GLI2: variants seen among roughly 807,000 people sequenced by gnomAD.
GLI2 encodes GLI family zinc finger 2, also known as transcription activator GLI2.
GLI2 carries 22 observed loss-of-function variants against 78.9 expected under a neutral mutation model. The observed-to-expected ratio is 0.28, with a 90% CI of 0.20 to 0.40. GLI2 has a LOEUF of 0.40. GLI2 is among the 10% of genes least tolerant of loss of function. The probability of loss-of-function intolerance (pLI) is 1.00; values close to 1 mark genes in which losing one functional copy is unlikely to be tolerated. For synonymous variants in GLI2, 974 were observed against 963.7 expected (o/e 1.01, Z -0.20); for missense variants, 2,097 against 2,213.2 (o/e 0.95, Z 1.05).
chr2:120,977,657 A>G (rs1019449275), intron 9 of GLI2, among the ~76,000 whole-genome samples: 4 of 152,196 alleles, frequency 2.6e-5, no homozygotes, highest in African/African-American at 9.7e-5. Context: ...CTGGGGAAGT[A>G]AACCCAGCCT....
At chr2:120,930,806 G>A (rs747358985) in intron 3 of GLI2, among the ~76,000 whole-genome samples, 12 of 152,358 alleles carry the variant, frequency 7.9e-5, no homozygotes, top group East Asian at 1.9e-4. Flanking sequence ...CCTCAGTGCC[G>A]TCCTTCCCTG....
chr2:120,951,330 C>T lies in GLI2; in HGVS notation c.342C>T (p.Pro114=), dbSNP rs1443099787. The T allele has an allele frequency of 3.2e-6, 5 of 1,585,860 alleles. No homozygotes were observed. The highest frequency in any genetic ancestry group is 4.3e-6 in the Non-Finnish European group (5 of 1,154,444). ...SPHPAGPGES[P]FNAPHPYVNP... is the part of the protein sequence containing the mutation. The stretch of plus-strand genomic sequence containing the variant: ...ACCCGGCTGGCCCTGGGGAGTCCCC[C>T]TTCAACGCCCCCCACCCGTACGTGA... Residue 114 remains proline (P), a synonymous_variant, in exon 4 of 14, where the codon CCC becomes CCT. Transcript: ENST00000361492.
chr2:120,916,096 A>G (rs1329379969), intron 2 of GLI2, among the ~76,000 whole-genome samples: 3 of 152,178 alleles, frequency 2.0e-5, no homozygotes, highest in Admixed American at 6.5e-5. Flanking sequence ...GAGCAGCAGC[A>G]TCTGCATCAC....
At chr2:120,780,543 A>T (rs1161183094) in intron 1 of GLI2, among the ~76,000 whole-genome samples, 3 of 152,132 alleles carry the variant, frequency 2.0e-5, no homozygotes, top group Non-Finnish European at 4.4e-5. Context: ...TCCCAGCAGG[A>T]GGAGGGAGTT....
Position 120,812,475 on chromosome 2 carries a change from C to T in GLI2, c.148+15007C>T, listed in dbSNP as rs73949912. On this transcript the variant is annotated intron_variant, in intron 2 of 13. Transcript: ENST00000361492. ...TCAGGGCTGAAGCTGAGACGCAGGCCGGATTACGATCCACAGGGTCATCCT... is the reference window on the plus strand; with the variant it reads ...TCAGGGCTGAAGCTGAGACGCAGGCTGGATTACGATCCACAGGGTCATCCT... Among the ~76,000 whole-genome samples, 1,282 of 152,270 alleles carry T rather than the reference C, an allele frequency of 8.4e-3. 17 individuals carry two copies. The highest frequency in any genetic ancestry group is 0.029 in the African/African-American group (1,206 of 41,530).
Position 120,990,435 on chromosome 2 carries a change from C to CCCCCAGAT in GLI2, c.4471_4478dup (p.Asp1494ProfsTer22), listed in dbSNP as rs1558946132. The CCCCCAGAT allele has an allele frequency of 6.2e-7, 1 of 1,614,006 alleles. No individual in the cohort carries two copies. The highest frequency in any genetic ancestry group is 8.5e-7 in the Non-Finnish European group (1 of 1,179,984). ...CTGTGGACTCCCAGCTCCTGGAGGC[C>CCCCCAGAT]CCCCAGATTGACTTCGATGCCATCA... On this transcript the variant is annotated frameshift_variant, in exon 14 of 14. Coordinates refer to ENST00000361492, the MANE Select transcript of GLI2 (RefSeq NM_001374353.1). LOFTEE classifies it high-confidence loss of function.
chr2:120,920,329 C>G (rs1028577170), intron 2 of GLI2, among the ~76,000 whole-genome samples: 2 of 152,380 alleles, frequency 1.3e-5, no homozygotes, highest in East Asian at 3.9e-4. Context: ...GAGAATTCCT[C>G]CGGCTGCTGA....
rs1305222647 is a variant in GLI2 at position 120,886,210 on chromosome 2, GCGTGTA to G, written c.149-41150_149-41145del. Among the ~76,000 whole-genome samples, 109 of 26,866 alleles carry G rather than the reference GCGTGTA, an allele frequency of 4.1e-3. 4 individuals are homozygous for G. The African/African-American group carries it at 0.061, about 15-fold the overall frequency. 17.6% of individuals were successfully genotyped at this position (26,866 alleles called of 152,430 possible). ...TGTGTGTGTGTGTGTGTGTGTGTGT[GCGTGTA>G]TATTTTGGTTTTGGGTTTTTGTTTT... On this transcript the variant is annotated intron_variant, in intron 2 of 13. Transcript: ENST00000361492.
chr2:120,841,489 A>G (rs1558827570), intron 2 of GLI2, among the ~76,000 whole-genome samples: 2 of 152,188 alleles, frequency 1.3e-5, no homozygotes, highest in African/African-American at 4.8e-5. Flanking sequence ...GTGAACTGCT[A>G]TTTTTGTAAT....
intron 2 of GLI2, among the ~76,000 whole-genome samples, chr2:120,850,306 C>T (rs954078825): frequency 4.6e-5 from 7 of 151,966 alleles, no homozygotes; most frequent in South Asian, 2.1e-4. Context: ...GAGAACAGAA[C>T]AGAACAGAAC....
chr2:120,873,605 T>A (rs1187968169), intron 2 of GLI2, among the ~76,000 whole-genome samples: 1 of 152,210 alleles, frequency 6.6e-6, no homozygotes, highest in Non-Finnish European at 1.5e-5. Context: ...TAGTTTTGAC[T>A]TTGCAGACCC....
intron 2 of GLI2, among the ~76,000 whole-genome samples, chr2:120,891,481 A>T (rs1203888774): frequency 2.6e-5 from 4 of 152,304 alleles, no homozygotes; most frequent in Non-Finnish European, 5.9e-5. Context: ...ATTTTTCAGG[A>T]CCTGGCCCAT....
In GLI2 at chr2:120,779,523, G is replaced by A. The variant is rs532646811; in HGVS notation, c.-30-17768G>A. Among the ~76,000 whole-genome samples, 33 of 152,346 alleles carry A rather than the reference G, an allele frequency of 2.2e-4. No homozygotes were observed. In the South Asian group the frequency reaches 4.8e-3, roughly 22 times the overall value. Reference sequence around the variant, plus strand: ...GAGAAGGAACTAGGGTGGGTCTGCCGGTAACATGGCCCAAGAGTTGGGAGC... The same window carrying A: ...GAGAAGGAACTAGGGTGGGTCTGCCAGTAACATGGCCCAAGAGTTGGGAGC... On this transcript the variant is annotated intron_variant, in intron 1 of 13. Coordinates refer to ENST00000361492, the MANE Select transcript of GLI2 (RefSeq NM_001374353.1).
At chr2:120,792,779 T>C (rs531351358) in intron 1 of GLI2, among the ~76,000 whole-genome samples, 118 of 152,238 alleles carry the variant, frequency 7.8e-4, no homozygotes, top group Non-Finnish European at 1.2e-3. Flanking sequence ...CACGCCACCA[T>C]GCCCAGCTAA....
intron 2 of GLI2, among the ~76,000 whole-genome samples, chr2:120,920,285 C>T (rs1172119033): frequency 6.6e-6 from 1 of 152,282 alleles, no homozygotes; most frequent in East Asian, 1.9e-4. Context: ...GGGGCAGTGC[C>T]TCTGCGTTGT....
At chr2:120,788,042 C>T (rs1684046446) in intron 1 of GLI2, among the ~76,000 whole-genome samples, 1 of 152,160 alleles carries the variant, frequency 6.6e-6, no homozygotes, top group South Asian at 2.1e-4. Flanking sequence ...CCTTCTCCAG[C>T]TGCAGGGATG....
intron 1 of GLI2, among the ~76,000 whole-genome samples, chr2:120,740,102 A>G (rs1682484069): frequency 7.0e-6 from 1 of 142,904 alleles, no homozygotes; most frequent in African/African-American, 2.6e-5. Flanking sequence ...TGGAATATCA[A>G]GAATTAAAAA....
chr2:120,898,512 G>A (rs1223813537), intron 2 of GLI2, among the ~76,000 whole-genome samples: 1 of 152,086 alleles, frequency 6.6e-6, no homozygotes, highest in African/African-American at 2.4e-5. Flanking sequence ...CATGCTTCAG[G>A]GAGGGGAAAT....
chr2:120,752,645 A>G (rs1274241324), intron 1 of GLI2, among the ~76,000 whole-genome samples: 1 of 152,248 alleles, frequency 6.6e-6, no homozygotes, highest in Non-Finnish European at 1.5e-5. Context: ...GAAAGCATGA[A>G]GGTTATACAT....
Sources: gnomAD v4.1 joint callset for allele counts (sites outside exome capture counted in the v4.1 genomes callset) on GRCh38, gnomAD v4.1.1 for gene constraint, MANE v1.5 for transcripts, NCBI Gene and HGNC (gene_info 2026-07-23, HGNC 2026-07-21) for gene names.